Variants in CFAP418 observed in about 807,000 individuals in gnomAD.
The protein encoded by CFAP418 is cilia- and flagella-associated protein 418.
CFAP418 carries 27 observed loss-of-function variants against 24.7 expected under a neutral mutation model. That is an observed-to-expected ratio of 1.09 (90% confidence interval 0.81 to 1.51). The LOEUF is 1.51. Ranked by LOEUF, CFAP418 falls within the 40% of genes most tolerant of loss-of-function variation. The pLI, the probability that CFAP418 is intolerant of heterozygous loss-of-function variation, is 0.00. For synonymous variants in CFAP418, 74 were observed against 87.3 expected (o/e 0.85, Z 0.85); for missense variants, 257 against 255.2 (o/e 1.01, Z -0.05).
intron 2 of CFAP418, among the ~76,000 whole-genome samples, chr8:95,261,533 G>C (rs1811892111): frequency 6.6e-6 from 1 of 152,102 alleles, no homozygotes; most frequent in Admixed American, 6.5e-5. Context: ...TAAGGGAGTA[G>C]TATTGTCAGG....
At chr8:95,261,971 G>A (rs928807657) in intron 2 of CFAP418, among the ~76,000 whole-genome samples, 2 of 152,196 alleles carry the variant, frequency 1.3e-5, no homozygotes, top group African/African-American at 4.8e-5. Context: ...CAGTGCTTAT[G>A]CACTTACTCA....
chr8:95,259,925 G>C lies in CFAP418; in HGVS notation c.309-20C>G, dbSNP rs1563473104. 6.5e-7 allele frequency: 1 copy of C among 1,543,090 alleles called. No individual in the cohort carries two copies. Among genetic ancestry groups the C allele is most frequent in the Non-Finnish European group, 8.7e-7 (1 of 1,152,550 alleles). Reference sequence around the variant, plus strand: ...CTGCAACTAGATGTGTTCAACAGATGCAAAAATATGAAGTTATAACAAAAA... The same window carrying C: ...CTGCAACTAGATGTGTTCAACAGATCCAAAAATATGAAGTTATAACAAAAA... On this transcript the variant is annotated intron_variant, in intron 3 of 5. Transcript: ENST00000286688.
chr8:95,251,442 AC>A (rs1379104838), intron 5 of CFAP418, among the ~76,000 whole-genome samples: 1 of 152,252 alleles, frequency 6.6e-6, no homozygotes, highest in Non-Finnish European at 1.5e-5. Context: ...GGTGAAATAT[AC>A]ATTGTGGGAA....
Position 95,259,861 on chromosome 8 carries a change from A to G in CFAP418, c.353T>C (p.Ile118Thr). The part of the protein sequence containing the change: ...YLGGSSIPCG[I>T]GTNISWRACD... ...CTACCTCCATGAAATATTTGTTCCA[A>G]TCCCACATGGAATAGAGCTTCCACC... Residue 118 changes from isoleucine to threonine, a missense_variant, in exon 4 of 6, where the codon ATT becomes ACT. Transcript: ENST00000286688. 1 of 1,609,886 alleles carries G rather than the reference A, an allele frequency of 6.2e-7. No homozygotes were observed. The highest frequency in any genetic ancestry group is 8.5e-7 in the Non-Finnish European group (1 of 1,178,886).
chr8:95,268,784 G>A (rs1812068930), intron 1 of CFAP418: 1 of 273,732 alleles, frequency 3.7e-6, no homozygotes, highest in Non-Finnish European at 6.8e-6. Flanking sequence ...GCGGGGCGGG[G>A]CGGGGCGGGG....
chr8:95,253,383 T>C (rs575720448), intron 4 of CFAP418, among the ~76,000 whole-genome samples: 7 of 152,226 alleles, frequency 4.6e-5, no homozygotes, highest in South Asian at 2.1e-4. Flanking sequence ...TCAGGAGTGG[T>C]TGAAGGGAAG....
intron 2 of CFAP418, among the ~76,000 whole-genome samples, chr8:95,262,347 T>C (rs929837054): frequency 2.0e-5 from 3 of 152,222 alleles, no homozygotes; most frequent in African/African-American, 4.8e-5. Context: ...CTAAAATCTA[T>C]ACTAGTCACT....
intron 5 of CFAP418, among the ~76,000 whole-genome samples, chr8:95,249,308 C>G (rs969149223): frequency 4.6e-5 from 7 of 152,160 alleles, no homozygotes; most frequent in Non-Finnish European, 1.0e-4. Context: ...AAAATAAAAG[C>G]ATTTTCTTCA....
At chr8:95,266,124 A>T (rs563298192) in intron 1 of CFAP418, among the ~76,000 whole-genome samples, 3 of 152,348 alleles carry the variant, frequency 2.0e-5, no homozygotes, top group African/African-American at 7.2e-5. Context: ...TGGTCAATGA[A>T]ATGGGGATAA....
Position 95,247,553 on chromosome 8 carries a change from CATG to C in CFAP418, c.*61_*63del. 1 of 1,586,234 alleles carries C rather than the reference CATG, an allele frequency of 6.3e-7. No homozygotes were observed. Among genetic ancestry groups the C allele is most frequent in the South Asian group, 1.1e-5 (1 of 90,180 alleles). On this transcript the variant is annotated 3_prime_UTR_variant, in exon 6 of 6. Coordinates refer to ENST00000286688, the MANE Select transcript of CFAP418 (RefSeq NM_177965.4). ...GTATTGCTAGGGACTATTGTCTAAACATGATGATGATTCATGGAGACCACTCTC... is the reference window on the plus strand; with the variant it reads ...GTATTGCTAGGGACTATTGTCTAAACATGATGATTCATGGAGACCACTCTC...
chr8:95,252,542 T>C (rs1260910478), intron 4 of CFAP418, among the ~76,000 whole-genome samples: 7 of 152,238 alleles, frequency 4.6e-5, no homozygotes, highest in Non-Finnish European at 1.5e-5. Context: ...TATATAGATA[T>C]GAAAGAAAAT....
At chr8:95,252,413 T>G in intron 4 of CFAP418, 130 bp from the exon 5 acceptor site, 1 of 607,962 alleles carries the variant, frequency 1.6e-6, no homozygotes, top group East Asian at 2.9e-5. Context: ...AAAGTACAGA[T>G]TAATCTGATT....
chr8:95,254,841 A>G (rs549666121), intron 4 of CFAP418, among the ~76,000 whole-genome samples: 3 of 152,372 alleles, frequency 2.0e-5, no homozygotes. Flanking sequence ...TTAGGAATCA[A>G]GTAACCAATC....
At chr8:95,268,766 G>GGGGCGGGGCGGGGCGGGGCA (rs1812064278) in intron 1 of CFAP418, 1 of 202,994 alleles carries the variant, frequency 4.9e-6, no homozygotes, top group African/African-American at 2.8e-5. Flanking sequence ...GGGGCGGGGC[G>GGGGCGGGGCGGGGCGGGGCA]GGGCGGGGCG....
Position 95,267,563 on chromosome 8 carries a change from T to C in CFAP418, c.155+1472A>G, listed in dbSNP as rs143929249. Reference sequence around the variant, plus strand: ...TGAGGTGGGCCACTGCACTCCAGCCTGGGCGACAGAGCGAAACTCAAAAAT... The same window carrying C: ...TGAGGTGGGCCACTGCACTCCAGCCCGGGCGACAGAGCGAAACTCAAAAAT... On this transcript the variant is annotated intron_variant, in intron 1 of 5. Coordinates refer to ENST00000286688, the MANE Select transcript of CFAP418 (RefSeq NM_177965.4). Among the ~76,000 whole-genome samples, 992 of 152,310 alleles carry C rather than the reference T, an allele frequency of 6.5e-3. 14 individuals are homozygous for C. The highest frequency in any genetic ancestry group is 0.022 in the African/African-American group (931 of 41,562).
chr8:95,247,847 T>C, intron 5 of CFAP418, 77 bp from the exon 6 acceptor site: 8 of 1,252,506 alleles, frequency 6.4e-6, no homozygotes, highest in Non-Finnish European at 8.8e-6. Context: ...AAAAAGGTCA[T>C]TGCTTTCTTT....
intron 5 of CFAP418, among the ~76,000 whole-genome samples, 172 bp from the exon 6 acceptor site, chr8:95,247,942 C>T (rs1811650066): frequency 1.3e-5 from 2 of 152,054 alleles, no homozygotes; most frequent in South Asian, 4.2e-4. Context: ...CAGCCTTGAC[C>T]TCCCAGGCTT....
chr8:95,250,015 T>C (rs1309795872), intron 5 of CFAP418, among the ~76,000 whole-genome samples: 1 of 152,218 alleles, frequency 6.6e-6, no homozygotes, highest in Non-Finnish European at 1.5e-5. Context: ...ATTGTCTCTA[T>C]GACCTTGCTG....
intron 4 of CFAP418, among the ~76,000 whole-genome samples, chr8:95,256,169 A>G (rs939219667): frequency 1.3e-5 from 2 of 151,726 alleles, no homozygotes; most frequent in African/African-American, 2.4e-5. Context: ...AAAATATTTC[A>G]TACATAAGAA....
Sources: allele counts gnomAD v4.1 joint callset (sites outside exome capture counted in the v4.1 genomes callset), GRCh38; gene constraint gnomAD v4.1.1; transcripts MANE v1.5; gene names NCBI Gene and HGNC (gene_info 2026-07-23, HGNC 2026-07-21).